Variants in UBE2E2 observed in about 807,000 individuals in gnomAD.
UBE2E2 encodes ubiquitin-conjugating enzyme E2 E2.
A neutral mutation model predicts 24.7 loss-of-function variants in UBE2E2; 6 were observed. The observed-to-expected ratio is 0.24, with a 90% CI of 0.13 to 0.48. UBE2E2 has a LOEUF of 0.48. UBE2E2 is among the 20% of genes least tolerant of loss of function. The pLI is 0.99. For missense variants in UBE2E2, 169 were observed against 245.0 expected (o/e 0.69, Z 2.07); for synonymous variants, 104 against 83.6 (o/e 1.24, Z -1.33).
At chr3:23,541,607 T>C (rs1255772822) in intron 5 of UBE2E2, among the ~76,000 whole-genome samples, 1 of 152,210 alleles carries the variant, frequency 6.6e-6, no homozygotes, top group East Asian at 1.9e-4. Flanking sequence ...TTGGAAGAAC[T>C]TTCTGCTTAA....
rs111549854 is a variant in UBE2E2 at position 23,579,650 on chromosome 3, C to T, written c.509-10084C>T. ...AGGATCGCGAAGTTACAGTGAACTA[C>T]GATCGTACCACTGCACTCCAGCCTG... is the stretch of plus-strand genomic sequence containing the variant. On this transcript the variant is annotated intron_variant, in intron 5 of 5. Coordinates refer to ENST00000396703, the MANE Select transcript of UBE2E2 (RefSeq NM_152653.4). Among the ~76,000 whole-genome samples the T allele has an allele frequency of 7.2e-3, 1,008 of 140,882 alleles. 12 individuals carry two copies. Among genetic ancestry groups the T allele is most frequent in the African/African-American group, 0.025 (947 of 37,772 alleles). 92.4% of individuals were successfully genotyped at this position (140,882 alleles called of 152,430 possible).
At chr3:23,584,896 G>A (rs967693598) in intron 5 of UBE2E2, among the ~76,000 whole-genome samples, 1 of 152,062 alleles carries the variant, frequency 6.6e-6, no homozygotes, top group African/African-American at 2.4e-5. Flanking sequence ...TCACTCGCTT[G>A]CAAATAATAG....
At chr3:23,396,618 A>G (rs942847042) in intron 3 of UBE2E2, among the ~76,000 whole-genome samples, 159 of 152,094 alleles carry the variant, frequency 1.0e-3, no homozygotes, top group African/African-American at 3.6e-3. Context: ...TAGAGTCCCA[A>G]ATCTGCCACT....
intron 3 of UBE2E2, among the ~76,000 whole-genome samples, chr3:23,298,587 C>T (rs78171067): frequency 0.55 from 83,555 of 151,142 alleles, 23,296 homozygotes; most frequent in Admixed American, 0.67. Context: ...TGCTGGATTA[C>T]GTTTATTGAT....
At chr3:23,336,100 A>G (rs1695202231) in intron 3 of UBE2E2, among the ~76,000 whole-genome samples, 1 of 152,220 alleles carries the variant, frequency 6.6e-6, no homozygotes, top group South Asian at 2.1e-4. Flanking sequence ...AAAGTGAAAG[A>G]GGAACATTGT....
chr3:23,496,085 T>G (rs567332983), intron 3 of UBE2E2, among the ~76,000 whole-genome samples: 2 of 152,288 alleles, frequency 1.3e-5, no homozygotes, highest in African/African-American at 4.8e-5. Context: ...CTTAAAAGAC[T>G]TTGACATAGA....
chr3:23,278,207 A>C (rs1698411603), intron 3 of UBE2E2, among the ~76,000 whole-genome samples: 1 of 152,110 alleles, frequency 6.6e-6, no homozygotes, highest in African/African-American at 2.4e-5. Context: ...GCATATTAAC[A>C]CATAATTAAG....
intron 3 of UBE2E2, among the ~76,000 whole-genome samples, chr3:23,284,699 TAGTA>T (rs1698570350): frequency 6.6e-6 from 1 of 151,832 alleles, no homozygotes; most frequent in African/African-American, 2.4e-5. Context: ...GGTGGGTACA[TAGTA>T]GGTGGTGATT....
intron 3 of UBE2E2, among the ~76,000 whole-genome samples, chr3:23,461,623 T>A (rs557083502): frequency 3.9e-5 from 6 of 152,302 alleles, no homozygotes; most frequent in Non-Finnish European, 8.8e-5. Context: ...AGGTTTTTTT[T>A]AATGTAGATA....
chr3:23,557,384 C>T (rs1695816723), intron 5 of UBE2E2, among the ~76,000 whole-genome samples: 1 of 152,076 alleles, frequency 6.6e-6, no homozygotes, highest in Admixed American at 6.6e-5. Flanking sequence ...TTGTTTATTC[C>T]AGTTTAGGAT....
intron 3 of UBE2E2, among the ~76,000 whole-genome samples, chr3:23,301,388 C>T (rs1699084394): frequency 6.6e-6 from 1 of 152,160 alleles, no homozygotes; most frequent in African/African-American, 2.4e-5. Flanking sequence ...TTTTTCTGCT[C>T]TGTTATTTTC....
chr3:23,312,502 C>G (rs1694436382), intron 3 of UBE2E2, among the ~76,000 whole-genome samples: 1 of 151,852 alleles, frequency 6.6e-6, no homozygotes, highest in African/African-American at 2.4e-5. Context: ...CGTTAACCAT[C>G]CCACGTTTCC....
chr3:23,269,445 T>A (rs1698172189), intron 3 of UBE2E2, among the ~76,000 whole-genome samples: 1 of 152,084 alleles, frequency 6.6e-6, no homozygotes, highest in African/African-American at 2.4e-5. Context: ...GGGGACACAT[T>A]GAAATAAAGA....
chr3:23,460,842 A>C (rs1215358658), intron 3 of UBE2E2, among the ~76,000 whole-genome samples: 1 of 152,218 alleles, frequency 6.6e-6, no homozygotes, highest in Non-Finnish European at 1.5e-5. Flanking sequence ...ATTTTTAAGA[A>C]ATTATATTTA....
chr3:23,429,868 C>A (rs1698015826), intron 3 of UBE2E2, among the ~76,000 whole-genome samples: 1 of 152,098 alleles, frequency 6.6e-6, no homozygotes, highest in African/African-American at 2.4e-5. Flanking sequence ...TTTCTATATA[C>A]CAGCAACAAA....
chr3:23,330,389 C>G (rs1424957256), intron 3 of UBE2E2, among the ~76,000 whole-genome samples: 1 of 152,168 alleles, frequency 6.6e-6, no homozygotes, highest in Non-Finnish European at 1.5e-5. Context: ...AATAAAGAAT[C>G]CTTACAAAAG....
At chr3:23,507,518 G>T (rs905246438) in intron 4 of UBE2E2, among the ~76,000 whole-genome samples, 4 of 152,142 alleles carry the variant, frequency 2.6e-5, no homozygotes, top group Admixed American at 1.3e-4. Flanking sequence ...ATGTAACTGT[G>T]CCCTAAGCAA....
rs74576441 is a variant in UBE2E2 at position 23,577,900 on chromosome 3, C to A, written c.509-11834C>A. 2.5e-4 allele frequency among the ~76,000 whole-genome samples: 38 copies of A among 151,850 alleles called. No homozygotes were observed. The East Asian group carries it at 7.2e-3, about 29-fold the overall frequency. ...AGGACCCTTAAAAACTTGCCTGTGCCTACTCTGCCTGTGCTCTCTGAGTGG... is the reference window on the plus strand; with the variant it reads ...AGGACCCTTAAAAACTTGCCTGTGCATACTCTGCCTGTGCTCTCTGAGTGG... On this transcript the variant is annotated intron_variant, in intron 5 of 5. Coordinates refer to ENST00000396703, the MANE Select transcript of UBE2E2 (RefSeq NM_152653.4).
At chr3:23,565,560 C>T (rs746032250) in intron 5 of UBE2E2, among the ~76,000 whole-genome samples, 9 of 140,946 alleles carry the variant, frequency 6.4e-5, no homozygotes, top group African/African-American at 1.6e-4. Flanking sequence ...GCTTGTTAGA[C>T]GTAATCAAAG....
Sources: gnomAD v4.1 joint callset for allele counts (sites outside exome capture counted in the v4.1 genomes callset) on GRCh38, gnomAD v4.1.1 for gene constraint, MANE v1.5 for transcripts, NCBI Gene and HGNC (gene_info 2026-07-23, HGNC 2026-07-21) for gene names.